The following BTNL2 variants were observed in gnomAD, a reference collection of about 807,000 sequenced individuals.
BTNL2 encodes butyrophilin like 2.
Under a neutral mutation model 46.8 loss-of-function variants are expected in BTNL2, and 46 were observed. The ratio of observed to expected loss-of-function variants is 0.98; its 90% confidence interval spans 0.78 to 1.26. The LOEUF is 1.26. Ranked by LOEUF, BTNL2 falls within the 50% of genes most tolerant of loss-of-function variation. BTNL2 has a pLI of 0.00. For missense variants in BTNL2, 461 were observed against 592.6 expected (o/e 0.78, Z 2.31); for synonymous variants, 226 against 229.1 (o/e 0.99, Z 0.12).
At chr6:32,398,760 C>T (rs59833897) in intron 4 of BTNL2, among the ~76,000 whole-genome samples, 4,967 of 152,150 alleles carry the variant, frequency 0.033, 138 homozygotes, top group East Asian at 0.1. Context: ...TATGGAGATT[C>T]AATTAATTTG....
rs1562245934 is a variant in BTNL2 at position 32,394,812 on chromosome 6, A to G, written c.1292T>C (p.Val431Ala). The G allele has an allele frequency of 1.2e-6, 2 of 1,614,248 alleles. No individual in the cohort carries two copies. The highest frequency in any genetic ancestry group is 1.7e-6 in the Non-Finnish European group (2 of 1,180,036). Residue 431 changes from valine (V) to alanine (A), a missense_variant, in exon 6 of 8, where the codon GTG (valine) becomes GCG (alanine). Transcript: ENST00000454136. This position sits in a 1 kb window ranked among gnomAD's most constrained non-coding sequence, Gnocchi z 4.6. ...GATGCTGATGGAACAAGTGACGTCC[A>G]CAGCGGAGATGTTTGTGACCCTTAG... ...TLLRVTNISAVDVTCSISIPF... is the reference protein window; with the variant it reads ...TLLRVTNISAADVTCSISIPF...
Position 32,394,999 on chromosome 6 carries a change from C to G in BTNL2, c.1105G>C (p.Val369Leu). 1 of 1,604,132 alleles carries G rather than the reference C, an allele frequency of 6.2e-7. No individual in the cohort carries two copies. Among genetic ancestry groups the G allele is most frequent in the Non-Finnish European group, 8.5e-7 (1 of 1,173,778 alleles). Residue 369 changes from valine (V) to leucine (L), a missense_variant, in exon 6 of 8, where the codon GTG becomes CTG. Physicochemically the swap from Val to Leu is conservative, Grantham distance 32. Coordinates refer to ENST00000454136, the MANE Select transcript of BTNL2 (RefSeq NM_001304561.2). This position sits in a 1 kb window ranked among gnomAD's most constrained non-coding sequence, Gnocchi z 4.6. The part of the protein sequence containing the change: ...VSLGSSPLIT[V>L]EGQEDGEMQP... ...ATTTCTCCATCTTCTTGCCCCTCCA[C>G]AGTGATCAGTGGGGAAGAACCCAGA...
At chr6:32,401,755 C>A in intron 4 of BTNL2, 30 bp downstream of exon 4, 1 of 1,606,930 alleles carries the variant, frequency 6.2e-7, no homozygotes, top group South Asian at 1.1e-5. Context: ...AGGCTCCCTC[C>A]ACAGGTGTGT....
chr6:32,402,921 G>A lies in BTNL2; in HGVS notation c.709+14C>T, dbSNP rs1394876195. Reference sequence around the variant, plus strand: ...CTGATCTGAGCATGTGGGTCCTAGAGGCAGAGCACTGACCTGGGAGGCTGA... The same window carrying A: ...CTGATCTGAGCATGTGGGTCCTAGAAGCAGAGCACTGACCTGGGAGGCTGA... On this transcript the variant is annotated intron_variant, in intron 3 of 7. Transcript: ENST00000454136. 3 of 1,610,644 alleles carry A rather than the reference G, an allele frequency of 1.9e-6. No homozygotes were observed. The highest frequency in any genetic ancestry group is 1.7e-6 in the Non-Finnish European group (2 of 1,178,130).
At chr6:32,398,194 G>A (rs4713523) in intron 4 of BTNL2, among the ~76,000 whole-genome samples, 29,728 of 152,038 alleles carry the variant, frequency 0.2, 3,192 homozygotes, top group East Asian at 0.32. Context: ...GTCCTTTTCT[G>A]TTAAATGATA....
intron 4 of BTNL2, among the ~76,000 whole-genome samples, chr6:32,400,746 A>AC (rs1776704879): frequency 1.1e-5 from 1 of 93,656 alleles, no homozygotes; most frequent in African/African-American, 4.2e-5. Context: ...CGTCTCTACT[A>AC]AAAAAAAAAA....
intron 1 of BTNL2, chr6:32,406,020 GTTAT>G (rs995444994): frequency 6.5e-6 from 1 of 153,130 alleles, no homozygotes; most frequent in African/African-American, 2.4e-5. Flanking sequence ...ATGTTTAACA[GTTAT>G]GTATGTTATT....
At position 32,404,936 on chromosome 6, in the gene BTNL2, C is replaced by CT; in HGVS notation, c.427+2_427+3insA. On this transcript the variant is annotated splice_region_variant and intron_variant, in intron 2 of 7. Transcript: ENST00000454136. ...GACCCTGTGTCTTTCCCCAGATATT[C>CT]ACCTGCTACTTTGAGCAGCAAGCTT... is the stretch of plus-strand genomic sequence containing the variant. The CT allele has an allele frequency of 2.5e-6, 4 of 1,611,348 alleles. No homozygotes were observed. Among genetic ancestry groups the CT allele is most frequent in the African/African-American group, 1.3e-5 (1 of 75,022 alleles).
rs9281773 is a variant in BTNL2, at chr6:32,398,920, C to CT, written c.731-2535dup. On this transcript the variant is annotated intron_variant, in intron 4 of 7. Transcript: ENST00000454136. ...CTTGGGAGCCACTATGCCTAACCCACTTTTTTTTTCTTTCAATTTTAAGTT... is the reference window on the plus strand; with the variant it reads ...CTTGGGAGCCACTATGCCTAACCCACTTTTTTTTTTCTTTCAATTTTAAGTT... 5.3e-3 allele frequency among the ~76,000 whole-genome samples: 800 copies of CT among 151,766 alleles called. 27 individuals carry two copies. Among genetic ancestry groups the CT allele is most frequent in the African/African-American group, 0.018 (749 of 41,390 alleles).
Position 32,393,805 on chromosome 6 carries a change from A to C in BTNL2, c.*6+158T>G. On this transcript the variant is annotated intron_variant, in intron 7 of 7. Coordinates refer to ENST00000454136, the MANE Select transcript of BTNL2 (RefSeq NM_001304561.2). This position sits in a 1 kb window ranked among gnomAD's most constrained non-coding sequence, Gnocchi z 4.8. The stretch of plus-strand genomic sequence containing the variant: ...TCATGCATCACTGAGCCTGGATTGC[A>C]TGATAAGCCCTGGGCTTTCCTGTTT... 9.8e-7 allele frequency: 1 copy of C among 1,016,134 alleles called. No homozygotes were observed. Among genetic ancestry groups the C allele is most frequent in the Non-Finnish European group, 1.4e-6 (1 of 728,410 alleles). The allele number at this position is 1,016,134 out of a possible 1,614,324, so 62.9% of individuals were successfully genotyped here.
chr6:32,396,247 A>G lies in BTNL2; in HGVS notation c.870T>C (p.Ala290=). 6.2e-7 allele frequency: 1 copy of G among 1,613,110 alleles called. No individual in the cohort carries two copies. The highest frequency in any genetic ancestry group is 8.5e-7 in the Non-Finnish European group (1 of 1,180,024). ...VRWDRSHRYP[A]VHVYMDGDHV... ...GGTCCCCATCCATATACACATGCAC[A>G]GCAGGGTAACGGTGGGATCGGTCCC... The change falls in exon 5 of 8, where the codon GCT becomes GCC. Residue 290 remains alanine, a synonymous_variant. Transcript: ENST00000454136. The surrounding 1 kb of genome is among the most constrained non-coding windows in gnomAD (Gnocchi z 4.4).
chr6:32,393,796 C>T lies in BTNL2; in HGVS notation c.*6+167G>A, dbSNP rs1342572185. 17 of 898,142 alleles carry T rather than the reference C, an allele frequency of 1.9e-5. 1 individual carries two copies. The highest frequency in any genetic ancestry group is 3.4e-4 in the Middle Eastern group (1 of 2,918). 55.6% of individuals were successfully genotyped at this position (898,142 alleles called of 1,614,324 possible). On this transcript the variant is annotated intron_variant, in intron 7 of 7. Transcript: ENST00000454136. The surrounding 1 kb of genome is among the most constrained non-coding windows in gnomAD (Gnocchi z 4.8). ...ACACTGACCTCATGCATCACTGAGC[C>T]TGGATTGCATGATAAGCCCTGGGCT...
At position 32,405,064 on chromosome 6, in the gene BTNL2, C is replaced by T; in HGVS notation, c.302G>A (p.Gly101Asp). ...YRGWVEWIEN[G>D]IAKGNVALKI... ...CAGTGCCACATTTCCCTTTGCAATG[C>T]CATTCTCTATCCACTCTACCCAGCC... is the stretch of plus-strand genomic sequence containing the variant. The change falls in exon 2 of 8, where the codon GGC (glycine) becomes GAC (aspartate). Residue 101 changes from glycine (G) to aspartate (D), a missense_variant. Physicochemically the swap from Gly to Asp is moderately conservative, Grantham distance 94. Transcript: ENST00000454136. 1 of 1,613,058 alleles carries T rather than the reference C, an allele frequency of 6.2e-7. No individual in the cohort carries two copies.
At chr6:32,397,083 T>C (rs1293515289) in intron 4 of BTNL2, among the ~76,000 whole-genome samples, 1 of 151,846 alleles carries the variant, frequency 6.6e-6, no homozygotes, top group Non-Finnish European at 1.5e-5. Flanking sequence ...TTTAACTTAG[T>C]ACGTCAACTA....
At chr6:32,406,948 C>T in intron 1 of BTNL2, 97 bp downstream of exon 1, 1 of 1,152,056 alleles carries the variant, frequency 8.7e-7, no homozygotes, top group Non-Finnish European at 1.2e-6. Flanking sequence ...GTGGCTTGGC[C>T]CCAGACTTAC....
chr6:32,404,767 C>T (rs181542421), intron 2 of BTNL2, among the ~76,000 whole-genome samples, 172 bp downstream of exon 2: 75 of 152,338 alleles, frequency 4.9e-4, no homozygotes, highest in Admixed American at 2.2e-3. Context: ...AATATTTTAA[C>T]ACTAAGCTTG....
At chr6:32,405,799 T>C (rs1777100677) in intron 1 of BTNL2, among the ~76,000 whole-genome samples, 2 of 141,458 alleles carry the variant, frequency 1.4e-5, no homozygotes, top group South Asian at 2.2e-4. Context: ...CTCTTAGATA[T>C]AAAAACTGTT....
chr6:32,400,980 G>C (rs190367303), intron 4 of BTNL2, among the ~76,000 whole-genome samples: 1 of 141,912 alleles, frequency 7.0e-6, no homozygotes, highest in African/African-American at 2.6e-5. Context: ...AGGCTGAGGT[G>C]GGGGGATCAC....
chr6:32,394,922 C>T lies in BTNL2; in HGVS notation c.1182G>A (p.Trp394Ter), dbSNP rs775460029. ...GTATCGTCTTTCCTTCCATGTCCCT[C>T]CATGGCACGTGGGGCTGTGGGAACC... The part of the protein sequence containing the change: ...DGWFPQPHVP[W>*]RDMEGKTIPS... Residue 394 changes from tryptophan to a stop codon, truncating the protein, a stop_gained, in exon 6 of 8, where the codon TGG becomes TGA. Coordinates refer to ENST00000454136, the MANE Select transcript of BTNL2 (RefSeq NM_001304561.2). LOFTEE classifies it high-confidence loss of function. The surrounding 1 kb of genome is among the most constrained non-coding windows in gnomAD (Gnocchi z 4.6). 1 of 1,614,202 alleles carries T rather than the reference C, an allele frequency of 6.2e-7. No homozygotes were observed. The highest frequency in any genetic ancestry group is 8.5e-7 in the Non-Finnish European group (1 of 1,180,006).
Sources: gnomAD v4.1 joint callset for allele counts (sites outside exome capture counted in the v4.1 genomes callset) on GRCh38, gnomAD v4.1.1 for gene constraint, Gnocchi (gnomAD v3.1) non-coding constraint, MANE v1.5 for transcripts, NCBI Gene and HGNC (gene_info 2026-07-23, HGNC 2026-07-21) for gene names.